C9orf72: variants seen among roughly 807,000 people sequenced by gnomAD.
C9orf72 encodes the protein guanine nucleotide exchange factor C9orf72.
In C9orf72, 44 loss-of-function variants were observed where a neutral mutation model predicts 51.6. The ratio of observed to expected loss-of-function variants is 0.85; its 90% CI spans 0.67 to 1.10. The LOEUF is 1.10. Among genes scored for constraint, C9orf72 ranks in the 50% least tolerant of loss-of-function variants. C9orf72 has a pLI of 0.00. For missense variants in C9orf72, 607 were observed against 570.6 expected (o/e 1.06, Z -0.65); for synonymous variants, 213 against 194.2 (o/e 1.10, Z -0.81).
At chr9:27,568,435 C>T (rs560400544) in intron 1 of C9orf72, among the ~76,000 whole-genome samples, 14 of 152,262 alleles carry the variant, frequency 9.2e-5, no homozygotes, top group South Asian at 4.1e-4. Flanking sequence ...AGAACATAAA[C>T]GCTCACATCC....
chr9:27,571,640 G>C (rs1158995340), intron 1 of C9orf72, among the ~76,000 whole-genome samples: 2 of 152,148 alleles, frequency 1.3e-5, no homozygotes, highest in Non-Finnish European at 2.9e-5. Flanking sequence ...ATTTTTTGTA[G>C]AGACAGGGTC....
chr9:27,573,617 T>G (rs1819651257), upstream of C9orf72: 1 of 151,980 alleles, frequency 6.6e-6, no homozygotes, highest in African/African-American at 2.4e-5. Context: ...TTCTTCTGGT[T>G]AATCTTTATC....
intron 1 of C9orf72, among the ~76,000 whole-genome samples, chr9:27,572,954 A>C (rs1188061509): frequency 1.3e-5 from 2 of 151,728 alleles, no homozygotes; most frequent in Non-Finnish European, 2.9e-5. Context: ...GCGTCTCCAC[A>C]CCCCCATCTC....
chr9:27,549,345 A>C (rs1820856634), intron 9 of C9orf72, among the ~76,000 whole-genome samples: 1 of 151,722 alleles, frequency 6.6e-6, no homozygotes, highest in African/African-American at 2.4e-5. Context: ...ACATTCATAT[A>C]CCTGTACTTT....
chr9:27,548,541 TAGG>T lies in C9orf72; in HGVS notation c.1259+13_1259+15del, dbSNP rs754838983. 9.2e-6 allele frequency: 14 copies of T among 1,529,952 alleles called. No individual in the cohort carries two copies. Among genetic ancestry groups the T allele is most frequent in the Admixed American group, 1.7e-5 (1 of 58,942 alleles). The allele number at this position is 1,529,952 out of a possible 1,614,324, so 94.8% of individuals were successfully genotyped here. ...AATGTACAAAGGTTTTTCTTCCGTG[TAGG>T]AGTTTTACTCACGTATCGTCTTCTA... On this transcript the variant is annotated intron_variant, in intron 10 of 10. Coordinates refer to ENST00000380003, the MANE Select transcript of C9orf72 (RefSeq NM_018325.5).
chr9:27,561,784 C>G (rs1819356403), intron 4 of C9orf72, 135 bp from the exon 5 acceptor site: 2 of 568,940 alleles, frequency 3.5e-6, no homozygotes, highest in African/African-American at 4.0e-5. Context: ...CAAGACTCCC[C>G]AAAAAACAAT....
chr9:27,570,233 T>C (rs1171389334), intron 1 of C9orf72, among the ~76,000 whole-genome samples: 2 of 152,206 alleles, frequency 1.3e-5, no homozygotes, highest in Non-Finnish European at 2.9e-5. Flanking sequence ...AATGATCAAA[T>C]ATAGGAATGT....
chr9:27,572,768 T>A (rs1046727587), intron 1 of C9orf72, among the ~76,000 whole-genome samples: 1 of 152,164 alleles, frequency 6.6e-6, no homozygotes, highest in Non-Finnish European at 1.5e-5. Context: ...CTGATTACCA[T>A]CAGTCAAGTG....
At chr9:27,569,556 G>A (rs904385250) in intron 1 of C9orf72, among the ~76,000 whole-genome samples, 5 of 152,172 alleles carry the variant, frequency 3.3e-5, no homozygotes, top group African/African-American at 1.2e-4. Context: ...TGGCCTAGGA[G>A]CAACAGACTA....
chr9:27,548,693 C>T (rs2131527054), intron 9 of C9orf72, 27 bp from the exon 10 acceptor site: 2 of 1,331,288 alleles, frequency 1.5e-6, no homozygotes, highest in South Asian at 2.4e-5. Flanking sequence ...CATTTCAACA[C>T]ATAATTTGCT....
At chr9:27,563,205 A>G (rs1819392279) in intron 3 of C9orf72, among the ~76,000 whole-genome samples, 1 of 152,136 alleles carries the variant, frequency 6.6e-6, no homozygotes, top group Non-Finnish European at 1.5e-5. Flanking sequence ...CAGCACATAT[A>G]TTTTAAGAAT....
At position 27,548,435 on chromosome 9, in the gene C9orf72, GAA is replaced by G. The variant is rs11292923; in HGVS notation, c.1260-15_1260-14del. The G allele has an allele frequency of 0.071, 12,234 of 172,814 alleles. 156 individuals are homozygous for G. The highest frequency in any genetic ancestry group is 0.1 in the African/African-American group (1,141 of 11,210). 10.7% of individuals were successfully genotyped at this position (172,814 alleles called of 1,614,324 possible). On this transcript the variant is annotated splice_polypyrimidine_tract_variant and intron_variant, in intron 10 of 10. Coordinates refer to ENST00000380003, the MANE Select transcript of C9orf72 (RefSeq NM_018325.5). Reference sequence around the variant, plus strand: ...TTTTCCCTTCTGCCTAAAAATAATGGAAAAAAAAAAAAAAAAAAAAAAAAAAG... The same window carrying G: ...TTTTCCCTTCTGCCTAAAAATAATGGAAAAAAAAAAAAAAAAAAAAAAAAG...
In C9orf72 at chr9:27,548,241, A is replaced by G; in HGVS notation, c.1441T>C (p.Phe481Leu). ...AGGCTTATTAAGTTACACATTTAAA[A>G]AGTCATTAGAACATCTCGTTCTTGC... ...SVQERDVLMT[F>L] Residue 481 changes from phenylalanine (F) to leucine (L), a missense_variant, in exon 11 of 11, where the codon TTT becomes CTT. By Grantham distance (22) the Phe-to-Leu change is conservative (BLOSUM62 0). Coordinates refer to ENST00000380003, the MANE Select transcript of C9orf72 (RefSeq NM_018325.5). 1 of 1,604,682 alleles carries G rather than the reference A, an allele frequency of 6.2e-7. No individual in the cohort carries two copies. Among genetic ancestry groups the G allele is most frequent in the Non-Finnish European group, 8.5e-7 (1 of 1,175,426 alleles).
chr9:27,566,398 C>A (rs1428379328), intron 2 of C9orf72, among the ~76,000 whole-genome samples: 1 of 152,118 alleles, frequency 6.6e-6, no homozygotes, highest in African/African-American at 2.4e-5. Flanking sequence ...GAGTCAAAGG[C>A]TCCCAAGAAG....
Position 27,550,667 on chromosome 9 carries a change from T to C in C9orf72, c.1132A>G (p.Lys378Glu). 6.3e-7 allele frequency: 1 copy of C among 1,590,006 alleles called. No individual in the cohort carries two copies. The highest frequency in any genetic ancestry group is 8.6e-7 in the Non-Finnish European group (1 of 1,163,812). ...QDVLHRDTLVKAFLDQVFQLK... is the reference protein window; with the variant it reads ...QDVLHRDTLVEAFLDQVFQLK... The stretch of plus-strand genomic sequence containing the variant: ...ACATTTACCTGATCCAGGAAGGCTT[T>C]CACTAGAGTGTCTCTGTGTAAGACA... The change falls in exon 9 of 11, where the codon AAA becomes GAA. Residue 378 changes from lysine to glutamate, a missense_variant. Lys to Glu is a moderately conservative substitution (Grantham distance 56, BLOSUM62 1). Coordinates refer to ENST00000380003, the MANE Select transcript of C9orf72 (RefSeq NM_018325.5).
In C9orf72 at chr9:27,568,451, A is replaced by G. The variant is rs189930885; in HGVS notation, c.-44-1287T>C. Among the ~76,000 whole-genome samples, 5 of 152,344 alleles carry G rather than the reference A, an allele frequency of 3.3e-5. No homozygotes were observed. In the East Asian group the frequency reaches 9.6e-4, roughly 29 times the overall value. Reference sequence around the variant, plus strand: ...GAACATAAACGCTCACATCCAAGACAGAACCCAGGGCTCTTGGTCCCCTTG... The same window carrying G: ...GAACATAAACGCTCACATCCAAGACGGAACCCAGGGCTCTTGGTCCCCTTG... On this transcript the variant is annotated intron_variant, in intron 1 of 10. Coordinates refer to ENST00000380003, the MANE Select transcript of C9orf72 (RefSeq NM_018325.5).
Position 27,560,219 on chromosome 9 carries a change from T to A in C9orf72, c.738+8A>T. On this transcript the variant is annotated splice_region_variant and intron_variant, in intron 6 of 10. Coordinates refer to ENST00000380003, the MANE Select transcript of C9orf72 (RefSeq NM_018325.5). ...TCAAATCATTTGCTAGATTATAAAATAAACTACCTTATTTACTTTCTCTGC... is the reference window on the plus strand; with the variant it reads ...TCAAATCATTTGCTAGATTATAAAAAAAACTACCTTATTTACTTTCTCTGC... 1 of 1,579,004 alleles carries A rather than the reference T, an allele frequency of 6.3e-7. No individual in the cohort carries two copies. Among genetic ancestry groups the A allele is most frequent in the Non-Finnish European group, 8.6e-7 (1 of 1,157,524 alleles).
intron 1 of C9orf72, among the ~76,000 whole-genome samples, chr9:27,567,802 G>A (rs1355909308): frequency 6.6e-6 from 1 of 152,136 alleles, no homozygotes; most frequent in Non-Finnish European, 1.5e-5. Flanking sequence ...AGACAGCCAT[G>A]TGAAGACAAA....
chr9:27,556,013 C>A (rs1214379677), intron 8 of C9orf72, among the ~76,000 whole-genome samples: 1 of 144,892 alleles, frequency 6.9e-6, no homozygotes. Flanking sequence ...AATTAATTAT[C>A]ATTACTTTTC....
Sources: allele counts gnomAD v4.1 joint callset (sites outside exome capture counted in the v4.1 genomes callset), GRCh38; gene constraint gnomAD v4.1.1; transcripts MANE v1.5; gene names NCBI Gene and HGNC (gene_info 2026-07-23, HGNC 2026-07-21).